Variants in UST observed in about 807,000 individuals in gnomAD.
UST encodes the protein chondroitin sulfate 2-O-sulfotransferase.
In UST, 21 loss-of-function variants were observed where a neutral mutation model predicts 45.6. The ratio of observed to expected loss-of-function variants is 0.46; its 90% CI spans 0.33 to 0.66. The LOEUF (loss-of-function observed/expected upper bound fraction) is 0.66, where lower values mean the gene tolerates loss of function less well. Among genes scored for constraint, UST ranks in the 30% least tolerant of loss-of-function variants. The pLI, the probability that UST is intolerant of heterozygous loss-of-function variation, is 0.02. For missense variants in UST, 463 were observed against 512.4 expected, an observed-to-expected ratio of 0.90 and a Z score of 0.93; for synonymous variants, 215 against 200.6, an observed-to-expected ratio of 1.07 and a Z score of -0.61.
intron 2 of UST, among the ~76,000 whole-genome samples, chr6:148,933,395 A>T (rs1779958766): frequency 6.6e-6 from 1 of 152,194 alleles, no homozygotes; most frequent in Non-Finnish European, 1.5e-5. Flanking sequence ...CTTGTAAATG[A>T]TCTATGGCTA....
At chr6:149,064,294 G>A (rs187014231) in intron 7 of UST, among the ~76,000 whole-genome samples, 23 of 152,260 alleles carry the variant, frequency 1.5e-4, no homozygotes, top group African/African-American at 5.1e-4. Context: ...ACCCAACTTC[G>A]GGCTTCACCA....
intron 5 of UST, among the ~76,000 whole-genome samples, chr6:148,984,486 A>G (rs1041759815): frequency 3.3e-5 from 5 of 152,248 alleles, no homozygotes; most frequent in Admixed American, 6.5e-5. Context: ...GACAATAAAA[A>G]GTCCTAGACA....
intron 3 of UST, among the ~76,000 whole-genome samples, chr6:148,942,419 A>G (rs1203246703): frequency 6.6e-6 from 1 of 152,058 alleles, no homozygotes; most frequent in Non-Finnish European, 1.5e-5. Context: ...TTAGCTGGGC[A>G]TGGTGGCACG....
At chr6:148,815,372 A>G (rs117944014) in intron 1 of UST, among the ~76,000 whole-genome samples, 24 of 152,308 alleles carry the variant, frequency 1.6e-4, no homozygotes, top group Non-Finnish European at 3.1e-4. Context: ...GAGCTGAATA[A>G]ATAAAATATT....
chr6:149,021,903 T>C (rs1775987382), intron 7 of UST, among the ~76,000 whole-genome samples: 1 of 152,214 alleles, frequency 6.6e-6, no homozygotes, highest in Non-Finnish European at 1.5e-5. Flanking sequence ...GAAAGAGCCA[T>C]CCTTGTGATG....
intron 2 of UST, among the ~76,000 whole-genome samples, chr6:148,914,220 T>A (rs558389033): frequency 2.1e-4 from 32 of 152,338 alleles, no homozygotes; most frequent in African/African-American, 7.7e-4. Flanking sequence ...TTTTTTGCAA[T>A]ATTGTTAAAT....
At chr6:148,967,091 G>A (rs1440950981) in intron 5 of UST, among the ~76,000 whole-genome samples, 2 of 152,270 alleles carry the variant, frequency 1.3e-5, no homozygotes, top group East Asian at 3.9e-4. Context: ...GGTAGTTGGG[G>A]CAAGTGTTAT....
chr6:148,761,291 C>G (rs959155755), intron 1 of UST, among the ~76,000 whole-genome samples: 1 of 152,082 alleles, frequency 6.6e-6, no homozygotes, highest in Non-Finnish European at 1.5e-5. Context: ...CAAACAGCAC[C>G]CTGCCTTCTG....
At chr6:148,849,282 T>C (rs528109262) in intron 1 of UST, among the ~76,000 whole-genome samples, 1 of 152,340 alleles carries the variant, frequency 6.6e-6, no homozygotes, top group South Asian at 2.1e-4. Context: ...TAGAGCTGAA[T>C]GTAAAAATTT....
At position 149,005,320 on chromosome 6, in the gene UST, G is replaced by A. The variant is rs980356058; in HGVS notation, c.682-13819G>A. The A allele has an allele frequency of 1.1e-4, 113 of 985,274 alleles. No individual in the cohort carries two copies. In the African/African-American group the frequency reaches 1.9e-3, roughly 16 times the overall value. The allele number at this position is 985,274 out of a possible 1,614,324, so 61.0% of individuals were successfully genotyped here. Reference sequence around the variant, plus strand: ...GGGTCCAGGATCAGCCATAGAATTGGAGAGGGTTGAGCGGCCCTGGCTGTA... The same window carrying A: ...GGGTCCAGGATCAGCCATAGAATTGAAGAGGGTTGAGCGGCCCTGGCTGTA... On this transcript the variant is annotated intron_variant, in intron 5 of 7. Coordinates refer to ENST00000367463, the MANE Select transcript of UST (RefSeq NM_005715.3).
intron 7 of UST, among the ~76,000 whole-genome samples, chr6:149,037,232 C>T (rs1327691816): frequency 6.6e-6 from 1 of 152,118 alleles, no homozygotes; most frequent in East Asian, 1.9e-4. Context: ...TGTTTCATGA[C>T]GAATGCAAAC....
intron 1 of UST, among the ~76,000 whole-genome samples, chr6:148,798,984 G>A (rs1196418586): frequency 1.3e-5 from 2 of 151,990 alleles, no homozygotes; most frequent in African/African-American, 2.4e-5. Context: ...ATTCTCCTGC[G>A]TTGGCTTCCC....
chr6:148,791,176 AG>A (rs1315919898), intron 1 of UST, among the ~76,000 whole-genome samples: 1 of 152,174 alleles, frequency 6.6e-6, no homozygotes, highest in Non-Finnish European at 1.5e-5. Context: ...ACTGGCATCT[AG>A]TGGGTAGAGG....
chr6:148,827,636 C>T (rs1266157903), intron 1 of UST, among the ~76,000 whole-genome samples: 4 of 149,066 alleles, frequency 2.7e-5, no homozygotes, highest in South Asian at 4.2e-4. Context: ...AAAAAAAAAG[C>T]GTCTAAACTC....
intron 5 of UST, among the ~76,000 whole-genome samples, chr6:148,969,541 G>A (rs1780872104): frequency 6.6e-6 from 1 of 152,142 alleles, no homozygotes; most frequent in African/African-American, 2.4e-5. Flanking sequence ...GGGTTGTTGG[G>A]AGAGTCTATT....
chr6:148,870,410 A>G (rs1262472932), intron 1 of UST, among the ~76,000 whole-genome samples: 1 of 152,150 alleles, frequency 6.6e-6, no homozygotes. Flanking sequence ...CATCTTTGTG[A>G]GGACTTCCAT....
At chr6:148,893,203 T>G (rs1230692964) in intron 2 of UST, among the ~76,000 whole-genome samples, 1 of 152,204 alleles carries the variant, frequency 6.6e-6, no homozygotes, top group Non-Finnish European at 1.5e-5. Flanking sequence ...GTATTAGTAT[T>G]CAAAATTCCG....
At chr6:148,907,462 C>A (rs1779386211) in intron 2 of UST, among the ~76,000 whole-genome samples, 2 of 152,092 alleles carry the variant, frequency 1.3e-5, no homozygotes, top group Admixed American at 6.6e-5. Flanking sequence ...TTAATGAGCC[C>A]TACTAATTTG....
intron 3 of UST, among the ~76,000 whole-genome samples, chr6:148,942,197 C>T (rs113550250): frequency 6.6e-6 from 1 of 152,116 alleles, no homozygotes; most frequent in African/African-American, 2.4e-5. Flanking sequence ...CCCTTACATA[C>T]ATAGGATGAG....
Sources: gnomAD v4.1 joint callset for allele counts (sites outside exome capture counted in the v4.1 genomes callset) on GRCh38, gnomAD v4.1.1 for gene constraint, MANE v1.5 for transcripts, NCBI Gene and HGNC (gene_info 2026-07-23, HGNC 2026-07-21) for gene names.